The following USP50 variants were observed in gnomAD, a reference collection of about 807,000 sequenced individuals.
The protein encoded by USP50 is ubiquitin specific peptidase 50.
In USP50, 37 loss-of-function variants were observed where a neutral mutation model predicts 39.2. That is an observed-to-expected ratio of 0.94 (90% CI 0.73 to 1.24). USP50 has a LOEUF of 1.24. Ranked by LOEUF, USP50 falls within the 50% of genes most tolerant of loss-of-function variation. The pLI is 0.00. For synonymous variants in USP50, 139 were observed against 144.5 expected (o/e 0.96, Z 0.27); for missense variants, 374 against 398.2 (o/e 0.94, Z 0.52).
chr15:50,510,360 T>C (rs1008426645), intron 6 of USP50: 1 of 152,146 alleles, frequency 6.6e-6, no homozygotes, highest in Non-Finnish European at 1.5e-5. Flanking sequence ...CTAGAAAAGA[T>C]TGATGTTCCA....
At chr15:50,512,518 T>C (rs2052751529) in intron 6 of USP50, 1 of 152,456 alleles carries the variant, frequency 6.6e-6, no homozygotes, top group Non-Finnish European at 1.5e-5. Flanking sequence ...CCAGGCACAG[T>C]GGCTCACACC....
At position 50,544,143 on chromosome 15, in the gene USP50, C is replaced by T. The variant is rs560904274; in HGVS notation, c.249-350G>A. On this transcript the variant is annotated intron_variant, in intron 2 of 6. Coordinates refer to ENST00000532404, the MANE Select transcript of USP50 (RefSeq NM_203494.5). ...ATCACTTGAGGCCAGGAGCTCAAGA[C>T]CAGCCTGGCCAACATGGTGAAACCC... is the stretch of plus-strand genomic sequence containing the variant. 30 of 267,284 alleles carry T rather than the reference C, an allele frequency of 1.1e-4. No individual in the cohort carries two copies. The South Asian group carries it at 1.8e-3, about 16-fold the overall frequency. 16.6% of individuals were successfully genotyped at this position (267,284 alleles called of 1,614,324 possible). A position where few individuals can be genotyped will look rare whatever the true frequency, so the allele number is the denominator to read the frequency against.
chr15:50,539,698 G>C (rs3131593), intron 4 of USP50, among the ~76,000 whole-genome samples: 27,357 of 152,224 alleles, frequency 0.18, 3,176 homozygotes, highest in East Asian at 0.44. Context: ...ACAGCCTTGA[G>C]CCTCCATGCC....
At chr15:50,499,145 A>C, downstream of USP50, 2 of 1,492,192 alleles carry the variant, frequency 1.3e-6, no homozygotes, top group Non-Finnish European at 1.8e-6. Context: ...ACAACTCTTG[A>C]AATGCTTATC....
intron 6 of USP50, among the ~76,000 whole-genome samples, chr15:50,516,441 AC>A (rs530503420): frequency 1.0e-3 from 158 of 152,108 alleles, no homozygotes; most frequent in African/African-American, 3.8e-3. Context: ...ACATGGTGAA[AC>A]CCCATCTCCA....
chr15:50,516,321 G>A (rs925246744), intron 6 of USP50, among the ~76,000 whole-genome samples: 3 of 151,984 alleles, frequency 2.0e-5, no homozygotes, highest in Admixed American at 1.3e-4. Flanking sequence ...AAACAAACAT[G>A]CCAGATGTGG....
At chr15:50,495,253 TATACATAC>T (rs1426827229) in intron 1 of USP50, among the ~76,000 whole-genome samples, 1 of 89,752 alleles carries the variant, frequency 1.1e-5, no homozygotes, top group South Asian at 3.4e-4. Flanking sequence ...TACGTGTATA[TATACATAC>T]ATATATACAC....
chr15:50,532,485 C>T (rs1213993149), intron 5 of USP50, among the ~76,000 whole-genome samples: 1 of 152,062 alleles, frequency 6.6e-6, no homozygotes, highest in Non-Finnish European at 1.5e-5. Flanking sequence ...AGACCGAGAC[C>T]CACTCATAGG....
downstream of USP50, chr15:50,498,694 A>G (rs1371184668): frequency 1.2e-6 from 2 of 1,611,986 alleles, no homozygotes; most frequent in Non-Finnish European, 1.7e-6. Flanking sequence ...GGTCCAAAGA[A>G]CAATTTGAAG....
intron 6 of USP50, among the ~76,000 whole-genome samples, chr15:50,526,016 G>A (rs1196044731): frequency 6.6e-6 from 1 of 152,022 alleles, no homozygotes; most frequent in Non-Finnish European, 1.5e-5. Context: ...ACGGAAGGGA[G>A]CGGGATCATT....
At chr15:50,523,739 C>T (rs1435586731) in intron 6 of USP50, among the ~76,000 whole-genome samples, 1 of 152,250 alleles carries the variant, frequency 6.6e-6, no homozygotes, top group East Asian at 1.9e-4. Context: ...AATGCAATCC[C>T]TATCAAAATT....
chr15:50,509,718 T>C (rs1471705434), intron 6 of USP50: 2 of 152,052 alleles, frequency 1.3e-5, no homozygotes, highest in South Asian at 2.1e-4. Flanking sequence ...TGAAAAAACA[T>C]GTAATAGCTA....
chr15:50,525,780 A>C (rs1007489047), intron 6 of USP50, among the ~76,000 whole-genome samples: 3 of 136,146 alleles, frequency 2.2e-5, no homozygotes, highest in Admixed American at 8.4e-5. Context: ...TTAATGTATA[A>C]AATTTTGATT....
chr15:50,495,826 G>A (rs1436261586), downstream of USP50: 1 of 1,569,378 alleles, frequency 6.4e-7, no homozygotes, highest in Non-Finnish European at 8.7e-7. Flanking sequence ...TTAATATAGA[G>A]CTTAAATCAT....
downstream of USP50, chr15:50,497,059 G>A (rs371507498): frequency 7.0e-6 from 11 of 1,576,474 alleles, no homozygotes; most frequent in African/African-American, 1.4e-5. Flanking sequence ...TCGAATTAAC[G>A]AGTATCTGCT....
chr15:50,532,187 C>T (rs567991655), intron 5 of USP50: 26 of 456,196 alleles, frequency 5.7e-5, no homozygotes, highest in Non-Finnish European at 9.3e-5. Context: ...AGCCCAACCA[C>T]ACTCGCACGG....
chr15:50,498,257 A>ATTCT (rs1226339880), downstream of USP50: 1 of 182,334 alleles, frequency 5.5e-6, no homozygotes, highest in Admixed American at 6.1e-5. Flanking sequence ...AGCAGCTGTC[A>ATTCT]TTCTTTCTTT....
chr15:50,508,069 C>CAAAAAAAAAAAAA (rs542709964), intron 6 of USP50: 1 of 66,724 alleles, frequency 1.5e-5, no homozygotes, highest in Non-Finnish European at 2.7e-5. Flanking sequence ...GACTCTGTCT[C>CAAAAAAAAAAAAA]AAAAAAAAAA....
chr15:50,540,368 T>C (rs979016494), intron 4 of USP50, among the ~76,000 whole-genome samples: 4 of 152,192 alleles, frequency 2.6e-5, no homozygotes, highest in Non-Finnish European at 5.9e-5. Flanking sequence ...TAGAATGTTT[T>C]ATATCTAGTT....
Sources: gnomAD v4.1 joint callset for allele counts (sites outside exome capture counted in the v4.1 genomes callset) on GRCh38, gnomAD v4.1.1 for gene constraint, MANE v1.5 for transcripts, NCBI Gene and HGNC (gene_info 2026-07-23, HGNC 2026-07-21) for gene names.